The following ODAD1 variants were observed in gnomAD, a reference collection of about 807,000 sequenced individuals.
ODAD1 encodes outer dynein arm-docking complex subunit 1.
In ODAD1, 49 loss-of-function variants were observed where a neutral mutation model predicts 67.2. That is an observed-to-expected ratio of 0.73 (90% CI 0.58 to 0.92). The LOEUF is 0.92. Among genes scored for constraint, ODAD1 ranks in the 40% least tolerant of loss-of-function variants. The pLI is 0.00. For missense variants in ODAD1, 897 were observed against 953.7 expected (o/e 0.94, Z 0.78); for synonymous variants, 345 against 393.7 (o/e 0.88, Z 1.46).
intron 12 of ODAD1, among the ~76,000 whole-genome samples, chr19:48,300,644 C>A (rs1214581932): frequency 1.3e-5 from 2 of 152,026 alleles, no homozygotes; most frequent in Non-Finnish European, 2.9e-5. Flanking sequence ...CTAGAATATA[C>A]AAAGAACTCC....
Position 48,297,223 on chromosome 19 carries a change from C to T in ODAD1, c.1877G>A (p.Gly626Asp), listed in dbSNP as rs777285358. The change falls in exon 16 of 16, where the codon GGC (glycine) becomes GAC (aspartate). Residue 626 changes from glycine to aspartate, a missense_variant. Transcript: ENST00000674294. ...GDPNTGHVTF[G>D]STSASSGGHV... ...GCCCCCACTCGAGGCACTGGTGGAG[C>T]CGAAGGTCACGTGGCCAGTGTTGGG... is the stretch of plus-strand genomic sequence containing the variant. 5.0e-6 allele frequency: 8 copies of T among 1,614,104 alleles called. No individual in the cohort carries two copies. Among genetic ancestry groups the T allele is most frequent in the Non-Finnish European group, 5.9e-6 (7 of 1,180,002 alleles).
At chr19:48,300,574 C>CA (rs930382424) in intron 12 of ODAD1, among the ~76,000 whole-genome samples, 15 of 151,258 alleles carry the variant, frequency 9.9e-5, no homozygotes, top group African/African-American at 3.4e-4. Flanking sequence ...AGTTCATCAC[C>CA]AAAAAAAATG....
Position 48,296,972 on chromosome 19 carries a change from C to A in ODAD1, c.*4G>T. 6.3e-7 allele frequency: 1 copy of A among 1,586,878 alleles called. No homozygotes were observed. Among genetic ancestry groups the A allele is most frequent in the Non-Finnish European group, 8.6e-7 (1 of 1,168,138 alleles). Reference sequence around the variant, plus strand: ...GGCAGGGTGGGGGCTGCGTGCCCCTCGTGTTAGCCCCGGGAGTCTTTGCTG... The same window carrying A: ...GGCAGGGTGGGGGCTGCGTGCCCCTAGTGTTAGCCCCGGGAGTCTTTGCTG... On this transcript the variant is annotated 3_prime_UTR_variant, in exon 16 of 16. Transcript: ENST00000674294.
In ODAD1 at chr19:48,297,573, G is replaced by A. The variant is rs182750626; in HGVS notation, c.1581+17C>T. 1,323 of 1,574,490 alleles carry A rather than the reference G, an allele frequency of 8.4e-4. 14 individuals carry two copies. The highest frequency in any genetic ancestry group is 9.0e-4 in the African/African-American group (66 of 73,500). On this transcript the variant is annotated intron_variant, in intron 15 of 15. Coordinates refer to ENST00000674294, the MANE Select transcript of ODAD1 (RefSeq NM_001364171.2). ...CACACTGAGGCCTGGCCCCACCCCC[G>A]CAGGCCCCACTCTCACCAGCTTCTC...
chr19:48,311,621 G>A lies in ODAD1; in HGVS notation c.529C>T (p.Arg177Trp), dbSNP rs574119110. ...ATCCGCAGCAGATCCAGCTCCTCCC[G>A]CAGGGCCGCATTCCGTACCAGCTGG... is the stretch of plus-strand genomic sequence containing the variant. The part of the protein sequence containing the change: ...DNQLVRNAAL[R>W]EELDLLRIDR... Residue 177 changes from arginine to tryptophan, a missense_variant, in exon 7 of 16, where the codon CGG (arginine) becomes TGG (tryptophan). Arg to Trp is a moderately radical substitution (Grantham distance 101, BLOSUM62 -3). Coordinates refer to ENST00000674294, the MANE Select transcript of ODAD1 (RefSeq NM_001364171.2). 46 of 1,551,102 alleles carry A rather than the reference G, an allele frequency of 3.0e-5. No homozygotes were observed. Among genetic ancestry groups the A allele is most frequent in the East Asian group, 1.2e-4 (5 of 40,892 alleles).
At chr19:48,302,667 C>T (rs535179324) in intron 12 of ODAD1, 27 bp downstream of exon 12, 22 of 1,587,394 alleles carry the variant, frequency 1.4e-5, no homozygotes, top group Non-Finnish European at 1.7e-5. Flanking sequence ...AAGCCAGGCT[C>T]GGGAGGGGGC....
At chr19:48,303,923 G>A in intron 9 of ODAD1, 30 bp downstream of exon 9, 1 of 1,605,822 alleles carries the variant, frequency 6.2e-7, no homozygotes. Flanking sequence ...CCAGGCCCTT[G>A]AGATGCAAAG....
At position 48,297,581 on chromosome 19, in the gene ODAD1, C is replaced by G. The variant is rs913388220; in HGVS notation, c.1581+9G>C. The G allele has an allele frequency of 6.4e-7, 1 of 1,561,784 alleles. No homozygotes were observed. The highest frequency in any genetic ancestry group is 2.0e-5 in the Admixed American group (1 of 50,272). ...GGCCTGGCCCCACCCCCGCAGGCCC[C>G]ACTCTCACCAGCTTCTCCACTTGGC... is the stretch of plus-strand genomic sequence containing the variant. On this transcript the variant is annotated intron_variant, in intron 15 of 15. Transcript: ENST00000674294.
intron 7 of ODAD1, among the ~76,000 whole-genome samples, chr19:48,307,935 G>C (rs1363944459): frequency 3.0e-4 from 45 of 151,990 alleles, no homozygotes; most frequent in Non-Finnish European, 4.4e-5. Flanking sequence ...GGCAGAACAA[G>C]GTCCAGATTA....
Position 48,304,904 on chromosome 19 carries a change from G to A in ODAD1, c.666-764C>T, listed in dbSNP as rs535934917. ...CCGGTGGCAGGTAGTTTTCCTTTTG[G>A]AGTGATGGAAATATTTCAGATCTAG... On this transcript the variant is annotated intron_variant, in intron 8 of 15. Coordinates refer to ENST00000674294, the MANE Select transcript of ODAD1 (RefSeq NM_001364171.2). Among the ~76,000 whole-genome samples the A allele has an allele frequency of 2.0e-5, 3 of 152,252 alleles. No homozygotes were observed. The East Asian group carries it at 5.8e-4, about 29-fold the overall frequency.
At chr19:48,297,887 G>T in intron 14 of ODAD1, 113 bp downstream of exon 14, 2 of 883,996 alleles carry the variant, frequency 2.3e-6, no homozygotes, top group Non-Finnish European at 3.4e-6. Context: ...ACCCCCCAGG[G>T]CCACATCCGC....
rs551988127 is a variant in ODAD1, at chr19:48,296,867, G to A, written c.*109C>T. On this transcript the variant is annotated 3_prime_UTR_variant, in exon 16 of 16. Transcript: ENST00000674294. The stretch of plus-strand genomic sequence containing the variant: ...TGAAGGGGCAAAAAGACAGAGGCCT[G>A]CCACTGGGAGAAAAAGACAGAGACC... 3 of 1,437,860 alleles carry A rather than the reference G, an allele frequency of 2.1e-6. No homozygotes were observed. The highest frequency in any genetic ancestry group is 1.4e-5 in the African/African-American group (1 of 69,666). 89.1% of individuals were successfully genotyped at this position (1,437,860 alleles called of 1,614,324 possible). A position where few individuals can be genotyped will look rare whatever the true frequency, so the allele number is the denominator to read the frequency against.
chr19:48,307,157 C>A (rs1296397989), intron 7 of ODAD1, among the ~76,000 whole-genome samples: 3 of 150,738 alleles, frequency 2.0e-5, no homozygotes, highest in Non-Finnish European at 2.9e-5. Context: ...GCACCCTAGC[C>A]TGGGCAACAA....
intron 12 of ODAD1, among the ~76,000 whole-genome samples, chr19:48,300,616 T>C (rs1185957213): frequency 2.0e-5 from 3 of 152,088 alleles, no homozygotes; most frequent in Non-Finnish European, 4.4e-5. Context: ...GAGAAAATAT[T>C]TACCAAAAGT....
At chr19:48,321,285 G>C (rs1241047119) in intron 1 of ODAD1, among the ~76,000 whole-genome samples, 1 of 152,248 alleles carries the variant, frequency 6.6e-6, no homozygotes, top group Admixed American at 6.5e-5. Flanking sequence ...GCGAGGTCCT[G>C]AAAGGGGCGG....
At chr19:48,297,541 C>A in intron 15 of ODAD1, 23 bp from the exon 16 acceptor site, 1 of 1,598,046 alleles carries the variant, frequency 6.3e-7, no homozygotes, top group Non-Finnish European at 8.5e-7. Flanking sequence ...TGAACTGGGC[C>A]CCGACACACA....
At chr19:48,307,530 C>T (rs934187308) in intron 7 of ODAD1, among the ~76,000 whole-genome samples, 2 of 152,094 alleles carry the variant, frequency 1.3e-5, no homozygotes, top group African/African-American at 4.8e-5. Flanking sequence ...AACAGAGTCT[C>T]TTAGTGCCAG....
intron 12 of ODAD1, among the ~76,000 whole-genome samples, chr19:48,299,251 A>G (rs533363918): frequency 2.6e-5 from 4 of 151,836 alleles, no homozygotes; most frequent in Admixed American, 6.6e-5. Context: ...TCTACTAAAA[A>G]TACAAAAAAA....
chr19:48,321,502 G>C (rs990256040), intron 1 of ODAD1, 176 bp downstream of exon 1: 7 of 268,318 alleles, frequency 2.6e-5, no homozygotes, highest in African/African-American at 1.1e-4. Flanking sequence ...CGCAGACAGC[G>C]AGCGGAGGGG....
Sources: allele counts gnomAD v4.1 joint callset (sites outside exome capture counted in the v4.1 genomes callset), GRCh38; gene constraint gnomAD v4.1.1; transcripts MANE v1.5; gene names NCBI Gene and HGNC (gene_info 2026-07-23, HGNC 2026-07-21).